Variants in SRGAP3 observed in about 807,000 individuals in gnomAD.
The protein encoded by SRGAP3 is SLIT-ROBO Rho GTPase-activating protein 3.
SRGAP3 carries 39 observed loss-of-function variants against 121.1 expected under a neutral mutation model. The ratio of observed to expected loss-of-function variants is 0.32; its 90% CI spans 0.25 to 0.42. The LOEUF (loss-of-function observed/expected upper bound fraction) is 0.42. SRGAP3 is among the 10% of genes least tolerant of loss of function. SRGAP3 has a pLI of 1.00. For missense variants in SRGAP3, 1,213 were observed against 1,470.6 expected, an observed-to-expected ratio of 0.82 and a Z score of 2.86; for synonymous variants, 601 against 570.0, an observed-to-expected ratio of 1.05 and a Z score of -0.77.
intron 1 of SRGAP3, among the ~76,000 whole-genome samples, chr3:9,345,624 A>G (rs1299856443): frequency 2.0e-5 from 3 of 151,958 alleles, no homozygotes; most frequent in East Asian, 3.9e-4. Context: ...TCTCTACTAA[A>G]AATGCAAAAA....
At chr3:9,131,152 G>T (rs1465203364) in intron 1 of SRGAP3, among the ~76,000 whole-genome samples, 1 of 152,234 alleles carries the variant, frequency 6.6e-6, no homozygotes, top group African/African-American at 2.4e-5. Context: ...TCTCCTTGAA[G>T]ATTTCAAAGA....
intron 14 of SRGAP3, 25 bp from the exon 15 acceptor site, chr3:9,015,756 GA>G: frequency 1.9e-6 from 3 of 1,613,894 alleles, no homozygotes; most frequent in Non-Finnish European, 2.5e-6. Context: ...GAGACGAGAT[GA>G]TATTTCAGCT....
chr3:9,090,802 A>G (rs1247652794), intron 3 of SRGAP3, among the ~76,000 whole-genome samples: 1 of 151,964 alleles, frequency 6.6e-6, no homozygotes, highest in African/African-American at 2.4e-5. Flanking sequence ...ACACCTAGCT[A>G]ATTTTTGTAT....
intron 5 of SRGAP3, among the ~76,000 whole-genome samples, chr3:9,061,449 T>C (rs1946166648): frequency 6.6e-6 from 1 of 152,196 alleles, no homozygotes; most frequent in African/African-American, 2.4e-5. Flanking sequence ...TCCCTCAGCC[T>C]TGGCCCAAGG....
chr3:9,115,639 T>A (rs567837905), intron 2 of SRGAP3, among the ~76,000 whole-genome samples: 2 of 150,410 alleles, frequency 1.3e-5, no homozygotes, highest in Admixed American at 1.3e-4. Context: ...TTTCCCCTCA[T>A]TTAAAAAAAA....
At chr3:8,987,403 G>A (rs1324480717) in intron 21 of SRGAP3, among the ~76,000 whole-genome samples, 1 of 150,922 alleles carries the variant, frequency 6.6e-6, no homozygotes, top group African/African-American at 2.5e-5. Context: ...AGACAGGCTT[G>A]CTTTATTGCA....
At chr3:9,242,735 A>T (rs1953690713) in intron 1 of SRGAP3, among the ~76,000 whole-genome samples, 1 of 152,218 alleles carries the variant, frequency 6.6e-6, no homozygotes, top group Admixed American at 6.5e-5. Context: ...CCCAAGCCGG[A>T]GTACAGTGGT....
chr3:9,046,411 T>C (rs1422585318), intron 10 of SRGAP3, among the ~76,000 whole-genome samples: 4 of 152,116 alleles, frequency 2.6e-5, no homozygotes, highest in African/African-American at 9.7e-5. Context: ...GCTTGGTGAG[T>C]CCTGAAGGGC....
intron 1 of SRGAP3, among the ~76,000 whole-genome samples, chr3:9,222,499 C>T (rs1388933860): frequency 6.6e-6 from 1 of 152,180 alleles, no homozygotes; most frequent in Non-Finnish European, 1.5e-5. Flanking sequence ...ATTTCTGTTG[C>T]TTACAATTCA....
chr3:8,987,547 C>T (rs951761244), intron 21 of SRGAP3, among the ~76,000 whole-genome samples: 1 of 151,188 alleles, frequency 6.6e-6, no homozygotes, highest in African/African-American at 2.5e-5. Flanking sequence ...CTGCAGGTGG[C>T]TTCCTGCCTG....
intron 3 of SRGAP3, among the ~76,000 whole-genome samples, chr3:9,283,331 AT>A (rs1348465028): frequency 2.0e-5 from 3 of 152,182 alleles, no homozygotes; most frequent in African/African-American, 7.2e-5. Context: ...CTATTGGCCT[AT>A]CATGTACTTT....
chr3:9,195,950 T>C (rs531815046), intron 1 of SRGAP3, among the ~76,000 whole-genome samples: 2 of 152,110 alleles, frequency 1.3e-5, no homozygotes, highest in South Asian at 2.1e-4. Flanking sequence ...AGCAAGACCC[T>C]GTCTCCAAAA....
At chr3:9,256,851 T>C (rs1954142522) in intron 3 of SRGAP3, 1 of 398,402 alleles carries the variant, frequency 2.5e-6, no homozygotes, top group Non-Finnish European at 4.4e-6. Context: ...ACTGGCCTGG[T>C]GGACACATAC....
intron 1 of SRGAP3, among the ~76,000 whole-genome samples, chr3:9,169,411 G>C (rs942725473): frequency 6.6e-6 from 1 of 152,176 alleles, no homozygotes; most frequent in Non-Finnish European, 1.5e-5. Flanking sequence ...CTCTTGATGG[G>C]TGAGTAGGAA....
At chr3:9,290,812 C>T (rs987181307) in intron 3 of SRGAP3, among the ~76,000 whole-genome samples, 1 of 152,170 alleles carries the variant, frequency 6.6e-6, no homozygotes, top group Non-Finnish European at 1.5e-5. Flanking sequence ...GCTTTCCTAA[C>T]AGCTAATGAG....
chr3:8,990,235 T>C (rs1401152210), intron 21 of SRGAP3, among the ~76,000 whole-genome samples: 1 of 152,260 alleles, frequency 6.6e-6, no homozygotes, highest in African/African-American at 2.4e-5. Flanking sequence ...TGTAGTGACC[T>C]GCCATTACCC....
intron 1 of SRGAP3, among the ~76,000 whole-genome samples, chr3:9,344,616 A>G (rs2955642): frequency 0.83 from 126,331 of 152,066 alleles, 53,179 homozygotes; most frequent in East Asian, 1. Context: ...CTAGGTGACA[A>G]AGTCAGACTC....
chr3:9,095,042 G>A (rs1315928583), intron 3 of SRGAP3, among the ~76,000 whole-genome samples: 1 of 152,096 alleles, frequency 6.6e-6, no homozygotes, highest in Non-Finnish European at 1.5e-5. Flanking sequence ...GATTACAGGT[G>A]TGAGCCGCAC....
rs1023043770 is a variant in SRGAP3 at position 9,009,117 on chromosome 3, T to C, written c.2227+1191A>G. 7.2e-5 allele frequency among the ~76,000 whole-genome samples: 11 copies of C among 152,290 alleles called. No individual in the cohort carries two copies. In the East Asian group the frequency reaches 2.1e-3, roughly 29 times the overall value. On this transcript the variant is annotated intron_variant, in intron 18 of 21. Transcript: ENST00000383836. ...TTCAGGTATAGGAACTTACTCTCTC[T>C]TAAGCTTAAGTTGATTTGAGTTGGG...
Sources: allele counts gnomAD v4.1 joint callset (sites outside exome capture counted in the v4.1 genomes callset), GRCh38; gene constraint gnomAD v4.1.1; transcripts MANE v1.5; gene names NCBI Gene and HGNC (gene_info 2026-07-23, HGNC 2026-07-21).